CERK: variants seen among roughly 807,000 people sequenced by gnomAD.
The protein encoded by CERK is acylsphingosine kinase.
CERK carries 39 observed loss-of-function variants against 63.4 expected under a neutral mutation model. The observed-to-expected ratio is 0.61, with a 90% CI of 0.48 to 0.80. The LOEUF (loss-of-function observed/expected upper bound fraction) is 0.80, where lower values mean the gene tolerates loss of function less well. CERK is among the 30% of genes least tolerant of loss of function. CERK has a pLI of 0.00. For synonymous variants in CERK, 302 were observed against 280.0 expected, an observed-to-expected ratio of 1.08 and a Z score of -0.78; for missense variants, 670 against 714.1, an observed-to-expected ratio of 0.94 and a Z score of 0.70.
chr22:46,728,566 T>C (rs995349988), intron 1 of CERK, among the ~76,000 whole-genome samples: 3 of 152,206 alleles, frequency 2.0e-5, no homozygotes, highest in African/African-American at 4.8e-5. Context: ...CAGGGCACAG[T>C]ACACGCTGGC....
intron 1 of CERK, among the ~76,000 whole-genome samples, chr22:46,730,465 C>A (rs2082940231): frequency 6.6e-6 from 1 of 151,428 alleles, no homozygotes. Flanking sequence ...ACTATTGGAA[C>A]CAAAAGGAAA....
At chr22:46,710,522 C>T (rs1227042774) in intron 5 of CERK, among the ~76,000 whole-genome samples, 3 of 151,968 alleles carry the variant, frequency 2.0e-5, no homozygotes, top group Non-Finnish European at 4.4e-5. Flanking sequence ...TGTTAATCTC[C>T]TATGACTAAT....
At chr22:46,692,599 C>T (rs1233595040) in intron 10 of CERK, among the ~76,000 whole-genome samples, 1 of 151,570 alleles carries the variant, frequency 6.6e-6, no homozygotes, top group African/African-American at 2.4e-5. Context: ...AAGACTCTGT[C>T]CCAATAAATA....
chr22:46,687,200 G>A lies in CERK; in HGVS notation c.1548C>T (p.His516=), dbSNP rs1218508825. ...GTGCAAAGAGTCGAACCAGCTGGCAGTGGACTCTGCAGAGACAAGCGGCCA... is the reference window on the plus strand; with the variant it reads ...GTGCAAAGAGTCGAACCAGCTGGCAATGGACTCTGCAGAGACAAGCGGCCA... ...LHSPAIEVRV[H]CQLVRLFARG... is the part of the protein sequence containing the mutation. Residue 516 remains histidine (H), a synonymous_variant, in exon 13 of 13, where the codon CAC becomes CAT. Transcript: ENST00000216264. 3.7e-6 allele frequency: 6 copies of A among 1,614,058 alleles called. No homozygotes were observed. The highest frequency in any genetic ancestry group is 1.7e-5 in the Admixed American group (1 of 60,028).
intron 3 of CERK, among the ~76,000 whole-genome samples, chr22:46,718,576 A>C (rs2082877238): frequency 1.3e-5 from 2 of 152,206 alleles, no homozygotes; most frequent in Non-Finnish European, 2.9e-5. Flanking sequence ...ATGGAAGCAC[A>C]GGCCCTCCTG....
At position 46,690,213 on chromosome 22, in the gene CERK, A is replaced by C. The variant is rs1198329656; in HGVS notation, c.1333-13T>G. 2 of 1,611,524 alleles carry C rather than the reference A, an allele frequency of 1.2e-6. No homozygotes were observed. The highest frequency in any genetic ancestry group is 3.3e-5 in the Admixed American group (2 of 60,004). ...AAGTGAAGTCAAACTACCAAGAAAC[A>C]GTGAGAGGGACCATTCAGCTCTAAA... On this transcript the variant is annotated splice_polypyrimidine_tract_variant and intron_variant, in intron 11 of 12. Coordinates refer to ENST00000216264, the MANE Select transcript of CERK (RefSeq NM_022766.6).
chr22:46,686,764 A>G lies in CERK; in HGVS notation c.*370T>C. 4.7e-6 allele frequency: 1 copy of G among 210,880 alleles called. No homozygotes were observed. 13.1% of individuals were successfully genotyped at this position (210,880 alleles called of 1,614,324 possible). On this transcript the variant is annotated 3_prime_UTR_variant, in exon 13 of 13. Transcript: ENST00000216264. ...GATCAAAGTGACCCACTGCTACCTC[A>G]GGCCCAGATGGTGTGACCTGCGTGG...
intron 1 of CERK, among the ~76,000 whole-genome samples, chr22:46,731,352 C>A (rs564615645): frequency 6.2e-4 from 94 of 152,352 alleles, no homozygotes; most frequent in South Asian, 1.7e-3. Context: ...ACCTCCACCC[C>A]CCGCCAAGGT....
intron 6 of CERK, 36 bp from the exon 7 acceptor site, chr22:46,701,746 G>A: frequency 1.3e-6 from 2 of 1,494,730 alleles, no homozygotes; most frequent in Non-Finnish European, 1.8e-6. Flanking sequence ...AATAGCATCA[G>A]AATAACAGAA....
At chr22:46,711,294 C>T (rs1175506347) in intron 4 of CERK, 145 bp from the exon 5 acceptor site, 6 of 654,552 alleles carry the variant, frequency 9.2e-6, no homozygotes, top group East Asian at 2.8e-5. Context: ...AATTCTACAT[C>T]GCTCTTATGG....
At chr22:46,725,744 T>C (rs947477803) in intron 1 of CERK, among the ~76,000 whole-genome samples, 3 of 152,228 alleles carry the variant, frequency 2.0e-5, no homozygotes, top group Admixed American at 6.5e-5. Flanking sequence ...TCAAATGCCA[T>C]GTCAGCGAGT....
rs1371663687 is a variant in CERK, at chr22:46,721,460, T to C, written c.143-445A>G. Among the ~76,000 whole-genome samples, 5 of 151,976 alleles carry C rather than the reference T, an allele frequency of 3.3e-5. 1 individual carries two copies. In the East Asian group the frequency reaches 9.6e-4, roughly 29 times the overall value. On this transcript the variant is annotated intron_variant, in intron 1 of 12. Coordinates refer to ENST00000216264, the MANE Select transcript of CERK (RefSeq NM_022766.6). The stretch of plus-strand genomic sequence containing the variant: ...CCCCCTCCCCCAAAAAGGAAGGTTA[T>C]AGGTCACTTTTAAACTCACAAATAA...
rs1601713025 is a variant in CERK, at chr22:46,699,575, G to A, written c.791-110C>T. 9.8e-6 allele frequency: 10 copies of A among 1,019,880 alleles called. No homozygotes were observed. The South Asian group carries it at 1.3e-4, about 14-fold the overall frequency. 63.2% of individuals were successfully genotyped at this position (1,019,880 alleles called of 1,614,324 possible). ...AACGTGGGAGTTACTTTTAAAAAGT[G>A]TGAAACAAACAGAACGCATTCAGTG... is the stretch of plus-strand genomic sequence containing the variant. On this transcript the variant is annotated intron_variant, in intron 7 of 12. Transcript: ENST00000216264.
chr22:46,734,087 T>TATATAC (rs1555990300), intron 1 of CERK, among the ~76,000 whole-genome samples: 228 of 142,232 alleles, frequency 1.6e-3, no homozygotes, highest in African/African-American at 5.5e-3. Flanking sequence ...TATATATATA[T>TATATAC]ACATTTTCCT....
intron 3 of CERK, among the ~76,000 whole-genome samples, chr22:46,715,499 C>A (rs1044726646): frequency 6.6e-6 from 1 of 151,948 alleles, no homozygotes; most frequent in African/African-American, 2.4e-5. Flanking sequence ...CCGTAAATGC[C>A]ACAGGGTCAA....
In CERK at chr22:46,720,120, C is replaced by A; in HGVS notation, c.345G>T (p.Trp115Cys). The change falls in exon 3 of 13, where the codon TGG becomes TGT. Residue 115 changes from tryptophan to cysteine, a missense_variant. Trp to Cys is a radical substitution (Grantham distance 215). Coordinates refer to ENST00000216264, the MANE Select transcript of CERK (RefSeq NM_022766.6). ...CCAGCATCTCCCGCAGGGTCTGCAG[C>A]CACAAGTGACACAGCTGCTCCTCTG... ...WCPEEQLCHL[W>C]LQTLREMLEK... 6.2e-7 allele frequency: 1 copy of A among 1,614,106 alleles called. No homozygotes were observed. The highest frequency in any genetic ancestry group is 8.5e-7 in the Non-Finnish European group (1 of 1,180,028).
chr22:46,690,401 GCACC>G (rs930269859), intron 11 of CERK, among the ~76,000 whole-genome samples: 2 of 151,938 alleles, frequency 1.3e-5, no homozygotes, highest in African/African-American at 4.8e-5. Context: ...GGGAAACCTG[GCACC>G]CACCTTTCCC....
At chr22:46,710,295 G>A (rs892228148) in intron 5 of CERK, among the ~76,000 whole-genome samples, 3 of 152,176 alleles carry the variant, frequency 2.0e-5, no homozygotes, top group East Asian at 1.9e-4. Context: ...TTAGCTGGGC[G>A]TGGTGTTGGG....
chr22:46,698,061 G>A (rs979319020), intron 8 of CERK, among the ~76,000 whole-genome samples: 1 of 152,216 alleles, frequency 6.6e-6, no homozygotes, highest in Admixed American at 6.5e-5. Flanking sequence ...GCTCTGGGGG[G>A]TCCCCGCAGC....
Sources: gnomAD v4.1 joint callset for allele counts (sites outside exome capture counted in the v4.1 genomes callset) on GRCh38, gnomAD v4.1.1 for gene constraint, MANE v1.5 for transcripts, NCBI Gene and HGNC (gene_info 2026-07-23, HGNC 2026-07-21) for gene names.